The following VDAC1 variants were observed in gnomAD, a reference collection of about 807,000 sequenced individuals.
VDAC1 encodes voltage dependent anion channel 1, also known as non-selective voltage-gated ion channel VDAC1.
In VDAC1, 10 loss-of-function variants were observed where a neutral mutation model predicts 34.7. That is an observed-to-expected ratio of 0.29 (90% CI 0.18 to 0.49). The LOEUF is 0.49. Among genes scored for constraint, VDAC1 ranks in the 20% least tolerant of loss-of-function variants. The pLI, the probability that VDAC1 is intolerant of heterozygous loss-of-function variation, is 0.99. For missense variants in VDAC1, 230 were observed against 347.9 expected (o/e 0.66, Z 2.69); for synonymous variants, 130 against 136.0 (o/e 0.96, Z 0.30).
intron 1 of VDAC1, among the ~76,000 whole-genome samples, chr5:134,003,330 T>G (rs1255437061): frequency 1.3e-5 from 2 of 152,136 alleles, no homozygotes; most frequent in Admixed American, 1.3e-4. Context: ...TGGAGAAGTT[T>G]AGGCAACAGA....
the VDAC1 span, among the ~76,000 whole-genome samples, chr5:134,075,016 T>C: frequency 3.3e-5 from 5 of 152,186 alleles, no homozygotes; most frequent in Non-Finnish European, 7.3e-5. Context: ...CCATTTGGAC[T>C]CTCAGCAGGC....
chr5:134,099,476 G>A, the VDAC1 span, among the ~76,000 whole-genome samples: 4 of 152,286 alleles, frequency 2.6e-5, no homozygotes, highest in African/African-American at 9.6e-5. Context: ...GGCGCAGTCC[G>A]GCACAGCTGC....
the VDAC1 span, among the ~76,000 whole-genome samples, chr5:134,113,099 C>T: frequency 6.6e-6 from 1 of 152,208 alleles, no homozygotes; most frequent in Non-Finnish European, 1.5e-5. Flanking sequence ...TGTACCTCTC[C>T]CCTCCGGGCA....
intron 5 of VDAC1, chr5:133,989,327 A>C (rs191249819): frequency 6.6e-6 from 1 of 152,252 alleles, no homozygotes; most frequent in Admixed American, 6.5e-5. Context: ...TACACACTTA[A>C]AGATGTTAAG....
rs898725058 is a variant in VDAC1, at chr5:133,975,730, A to G, written c.702+141T>C. On this transcript the variant is annotated intron_variant, in intron 7 of 8. Coordinates refer to ENST00000265333, the MANE Select transcript of VDAC1 (RefSeq NM_003374.3). ...TGCCTTGGCCTCCCAAAGTGCAGGGATTACAGGCGTGAGTCACGGCGCCCA... is the reference window on the plus strand; with the variant it reads ...TGCCTTGGCCTCCCAAAGTGCAGGGGTTACAGGCGTGAGTCACGGCGCCCA... The G allele has an allele frequency of 4.5e-6, 6 of 1,322,362 alleles. No homozygotes were observed. In the South Asian group the frequency reaches 6.8e-5, roughly 15 times the overall value. 81.9% of individuals were successfully genotyped at this position (1,322,362 alleles called of 1,614,324 possible).
chr5:134,091,540 G>T, the VDAC1 span, among the ~76,000 whole-genome samples: 54 of 152,284 alleles, frequency 3.5e-4, no homozygotes, highest in South Asian at 0.011. Flanking sequence ...CAAAGGCTGG[G>T]CCACAATGAG....
At chr5:133,991,219 A>G (rs1428444465) in intron 3 of VDAC1, 65 bp from the exon 4 acceptor site, 64 of 1,594,180 alleles carry the variant, frequency 4.0e-5, no homozygotes, top group Non-Finnish European at 5.3e-5. Flanking sequence ...CTTCACTCCT[A>G]AACACTATAC....
chr5:134,098,242 C>T, the VDAC1 span, among the ~76,000 whole-genome samples: 15 of 151,398 alleles, frequency 9.9e-5, no homozygotes, highest in African/African-American at 3.4e-4. Flanking sequence ...TCACCCAGGC[C>T]GCAGTGCAGT....
Position 133,972,373 on chromosome 5 carries a change from C to T in VDAC1, c.*398G>A, listed in dbSNP as rs1433502216. ...TCCCATTCAGGTGAGTTTGTACACA[C>T]CATCAAGCAGCGAGCCTCTCATCAA... On this transcript the variant is annotated 3_prime_UTR_variant, in exon 9 of 9. Transcript: ENST00000265333. The T allele has an allele frequency of 2.6e-6, 1 of 390,326 alleles. No individual in the cohort carries two copies. Among genetic ancestry groups the T allele is most frequent in the Non-Finnish European group, 4.5e-6 (1 of 220,874 alleles). The allele number at this position is 390,326 out of a possible 1,614,324, so 24.2% of individuals were successfully genotyped here.
the VDAC1 span, among the ~76,000 whole-genome samples, chr5:134,081,306 G>A: frequency 1.3e-5 from 2 of 151,828 alleles, no homozygotes; most frequent in African/African-American, 4.8e-5. Flanking sequence ...CAAAGTGCTG[G>A]GATTACAGGC....
the VDAC1 span, among the ~76,000 whole-genome samples, chr5:134,107,458 C>A: frequency 1.3e-5 from 2 of 152,270 alleles, no homozygotes; most frequent in African/African-American, 4.8e-5. Context: ...CAGGCCCCTA[C>A]ATGGCCAGCC....
At position 133,990,881 on chromosome 5, in the gene VDAC1, G is replaced by C; in HGVS notation, c.297C>G (p.Phe99Leu). 6.4e-7 allele frequency: 1 copy of C among 1,565,594 alleles called. No individual in the cohort carries two copies. The highest frequency in any genetic ancestry group is 1.2e-5 in the South Asian group (1 of 82,046). Residue 99 changes from phenylalanine to leucine, a missense_variant, in exon 5 of 9, where the codon TTC becomes TTG. Transcript: ENST00000265333. Reference protein sequence around the residue: ...DQLARGLKLTFDSSFSPNTGK... With the variant: ...DQLARGLKLTLDSSFSPNTGK... ...CAGTGTTAGGTGAGAAGGATGAATC[G>C]AAGGTCAGCTTCAGTCCACGTGCAA...
chr5:134,018,599 G>C, the VDAC1 span, among the ~76,000 whole-genome samples: 5 of 152,198 alleles, frequency 3.3e-5, no homozygotes, highest in Non-Finnish European at 5.9e-5. Context: ...ACCTTGCCCA[G>C]GGAGAGGCCT....
At chr5:134,111,400 T>C in the VDAC1 span, among the ~76,000 whole-genome samples, 6 of 152,180 alleles carry the variant, frequency 3.9e-5, no homozygotes, top group Admixed American at 3.3e-4. Flanking sequence ...GTCCTGGTCC[T>C]GAAACTCCCC....
the VDAC1 span, among the ~76,000 whole-genome samples, chr5:134,017,524 C>A: frequency 6.6e-6 from 1 of 152,116 alleles, no homozygotes; most frequent in East Asian, 1.9e-4. Context: ...AGGGCAGGGA[C>A]CAGCTCTGCT....
At chr5:134,062,607 TTTTG>T in the VDAC1 span, among the ~76,000 whole-genome samples, 2 of 145,192 alleles carry the variant, frequency 1.4e-5, no homozygotes, top group East Asian at 2.0e-4. Flanking sequence ...CTGAAACAGC[TTTTG>T]TTTGTTTTTT....
the VDAC1 span, among the ~76,000 whole-genome samples, chr5:134,081,317 G>A: frequency 2.6e-5 from 4 of 152,186 alleles, no homozygotes; most frequent in South Asian, 2.1e-4. Context: ...GATTACAGGC[G>A]TGAGCCACCG....
intron 1 of VDAC1, among the ~76,000 whole-genome samples, chr5:133,995,531 C>T (rs1753265884): frequency 6.6e-6 from 1 of 152,154 alleles, no homozygotes; most frequent in Non-Finnish European, 1.5e-5. Flanking sequence ...GTCAAGTCCA[C>T]TCCTGGGCCT....
Position 134,004,161 on chromosome 5 carries a change from G to A in VDAC1, c.-7+734C>T, listed in dbSNP as rs2302033. 4.8e-4 allele frequency among the ~76,000 whole-genome samples: 73 copies of A among 152,066 alleles called. 3 individuals carry two copies. In the East Asian group the frequency reaches 0.012, roughly 25 times the overall value. On this transcript the variant is annotated intron_variant, in intron 1 of 8. Coordinates refer to ENST00000265333, the MANE Select transcript of VDAC1 (RefSeq NM_003374.3). ...CCAGGGCGCGTGGGCCTGGGGACTC[G>A]GGGCCACGGTCGTCACGTGAGCTCA... is the stretch of plus-strand genomic sequence containing the variant.
Sources: gnomAD v4.1 joint callset for allele counts (sites outside exome capture counted in the v4.1 genomes callset) on GRCh38, gnomAD v4.1.1 for gene constraint, MANE v1.5 for transcripts, NCBI Gene and HGNC (gene_info 2026-07-23, HGNC 2026-07-21) for gene names.